The following NRXN1 variants were observed in gnomAD, a reference collection of about 807,000 sequenced individuals.
The protein encoded by NRXN1 is neurexin-1.
A neutral mutation model predicts 150.9 loss-of-function variants in NRXN1; 39 were observed. The ratio of observed to expected loss-of-function variants is 0.26; its 90% CI spans 0.20 to 0.34. NRXN1 has a LOEUF of 0.34. NRXN1 is among the 10% of genes least tolerant of loss of function. NRXN1 has a pLI of 1.00. For missense variants in NRXN1, 1,815 were observed against 1,949.9 expected (o/e 0.93, Z 1.30); for synonymous variants, 924 against 757.0 (o/e 1.22, Z -3.62).
chr2:50,787,422 C>T (rs1016420240), intron 5 of NRXN1, among the ~76,000 whole-genome samples: 1 of 151,804 alleles, frequency 6.6e-6, no homozygotes, highest in African/African-American at 2.4e-5. Flanking sequence ...ATTAGCCAAG[C>T]ATGTTGGCGG....
chr2:50,039,217 G>A (rs895526429), intron 21 of NRXN1, among the ~76,000 whole-genome samples: 1 of 151,968 alleles, frequency 6.6e-6, no homozygotes, highest in Admixed American at 6.6e-5. Context: ...AAACTTCCCA[G>A]CACTTTGGGA....
chr2:50,101,228 T>C (rs1483350314), intron 18 of NRXN1, among the ~76,000 whole-genome samples: 1 of 152,112 alleles, frequency 6.6e-6, no homozygotes, highest in African/African-American at 2.4e-5. Flanking sequence ...TTTCAGGTGC[T>C]GATTAAAACC....
At chr2:50,112,591 T>C (rs1244595906) in intron 18 of NRXN1, among the ~76,000 whole-genome samples, 1 of 152,198 alleles carries the variant, frequency 6.6e-6, no homozygotes, top group African/African-American at 2.4e-5. Flanking sequence ...TTTTGAGTTG[T>C]GAACTTTTAG....
chr2:50,064,274 T>C (rs1039321666), intron 19 of NRXN1, among the ~76,000 whole-genome samples: 2 of 151,898 alleles, frequency 1.3e-5, no homozygotes, highest in Non-Finnish European at 2.9e-5. Flanking sequence ...ACTCTGCTTA[T>C]CTTTCATCAA....
At chr2:50,115,158 T>G (rs1702872092) in intron 18 of NRXN1, among the ~76,000 whole-genome samples, 1 of 149,024 alleles carries the variant, frequency 6.7e-6, no homozygotes, top group Non-Finnish European at 1.5e-5. Flanking sequence ...TTTTTTTTTT[T>G]GTGAACCTAA....
chr2:50,438,752 C>G (rs986360656), intron 17 of NRXN1, among the ~76,000 whole-genome samples: 4 of 152,122 alleles, frequency 2.6e-5, no homozygotes, highest in African/African-American at 7.2e-5. Flanking sequence ...AGAAAAGGGT[C>G]TAATGCTTCT....
intron 5 of NRXN1, among the ~76,000 whole-genome samples, chr2:50,846,708 AT>A (rs1448726545): frequency 6.6e-6 from 1 of 152,232 alleles, no homozygotes; most frequent in African/African-American, 2.4e-5. Flanking sequence ...CCAAATTGCA[AT>A]TCAAGATAAA....
chr2:50,373,156 T>C (rs2153021231), intron 17 of NRXN1, among the ~76,000 whole-genome samples: 1 of 152,046 alleles, frequency 6.6e-6, no homozygotes, highest in South Asian at 2.1e-4. Flanking sequence ...CATTCTCCTC[T>C]ATGAGAGCCT....
Position 50,209,357 on chromosome 2 carries a change from T to C in NRXN1, c.3546+27432A>G, listed in dbSNP as rs115176688. On this transcript the variant is annotated intron_variant, in intron 18 of 22. Coordinates refer to ENST00000401669, the MANE Select transcript of NRXN1 (RefSeq NM_001330078.2). ...ATAAAATAATAACAGTTACCATTTATGCAATACTTGTGGTGCACTAGCACT... is the reference window on the plus strand; with the variant it reads ...ATAAAATAATAACAGTTACCATTTACGCAATACTTGTGGTGCACTAGCACT... Among the ~76,000 whole-genome samples, 391 of 152,264 alleles carry C rather than the reference T, an allele frequency of 2.6e-3. 1 individual carries two copies. The highest frequency in any genetic ancestry group is 8.3e-3 in the African/African-American group (344 of 41,568).
At chr2:50,312,664 C>T (rs56403873) in intron 17 of NRXN1, 8 of 485,916 alleles carry the variant, frequency 1.6e-5, no homozygotes, top group Admixed American at 1.5e-4. Flanking sequence ...GGATCTCAGA[C>T]AGTCCATCTG....
intron 19 of NRXN1, among the ~76,000 whole-genome samples, chr2:50,081,338 G>A (rs568753203): frequency 6.6e-6 from 1 of 152,178 alleles, no homozygotes; most frequent in Non-Finnish European, 1.5e-5. Flanking sequence ...CAGCACTTTG[G>A]GGGGCTGAGG....
chr2:50,832,094 C>T (rs1002531229), intron 5 of NRXN1, among the ~76,000 whole-genome samples: 1 of 152,062 alleles, frequency 6.6e-6, no homozygotes, highest in Admixed American at 6.6e-5. Flanking sequence ...GGCATGCATA[C>T]GTACTAGAAT....
intron 18 of NRXN1, among the ~76,000 whole-genome samples, chr2:50,122,444 T>C (rs1703988503): frequency 6.6e-6 from 1 of 152,256 alleles, no homozygotes. Flanking sequence ...AGAAGCCCTC[T>C]TTCCTGTGGC....
intron 6 of NRXN1, among the ~76,000 whole-genome samples, chr2:50,622,882 A>G (rs1559034580): frequency 6.6e-6 from 1 of 152,166 alleles, no homozygotes; most frequent in Non-Finnish European, 1.5e-5. Flanking sequence ...AGGAGGGAGT[A>G]GGGACTGATA....
At chr2:50,075,462 A>C (rs1696939385) in intron 19 of NRXN1, among the ~76,000 whole-genome samples, 1 of 152,194 alleles carries the variant, frequency 6.6e-6, no homozygotes. Flanking sequence ...CAACAGGAAT[A>C]AACTGAACAC....
intron 19 of NRXN1, among the ~76,000 whole-genome samples, chr2:50,079,201 T>A (rs2152681571): frequency 6.6e-6 from 1 of 152,232 alleles, no homozygotes; most frequent in African/African-American, 2.4e-5. Context: ...TTGCTCAATT[T>A]GATCTAGTTC....
chr2:50,785,041 C>T (rs921681197), intron 5 of NRXN1, among the ~76,000 whole-genome samples: 2 of 151,756 alleles, frequency 1.3e-5, no homozygotes, highest in Non-Finnish European at 2.9e-5. Flanking sequence ...ATTATGACAC[C>T]CTAATCCCAC....
chr2:50,005,360 A>T (rs1481685244), intron 21 of NRXN1, among the ~76,000 whole-genome samples: 1 of 152,160 alleles, frequency 6.6e-6, no homozygotes. Flanking sequence ...TTAAAAATTG[A>T]TTCTTATTAC....
intron 5 of NRXN1, among the ~76,000 whole-genome samples, chr2:50,834,968 A>G (rs1462107352): frequency 6.6e-6 from 1 of 152,184 alleles, no homozygotes; most frequent in African/African-American, 2.4e-5. Context: ...TCTCTTTAGC[A>G]GAGACCAGAC....
Sources: gnomAD v4.1 joint callset for allele counts (sites outside exome capture counted in the v4.1 genomes callset) on GRCh38, gnomAD v4.1.1 for gene constraint, MANE v1.5 for transcripts, NCBI Gene and HGNC (gene_info 2026-07-23, HGNC 2026-07-21) for gene names.